Variants in TCF12 observed in about 807,000 individuals in gnomAD.
The protein encoded by TCF12 is transcription factor 12, also known as DNA-binding protein HTF4.
Under a neutral mutation model 86.0 loss-of-function variants are expected in TCF12, and 45 were observed. The observed-to-expected ratio is 0.52, with a 90% CI of 0.41 to 0.67. The LOEUF (loss-of-function observed/expected upper bound fraction) is 0.67, where lower values mean the gene tolerates loss of function less well. Among genes scored for constraint, TCF12 ranks in the 30% least tolerant of loss-of-function variants. The probability of loss-of-function intolerance (pLI) is 0.00; values close to 1 mark genes in which losing one functional copy is unlikely to be tolerated. For synonymous variants in TCF12, 330 were observed against 299.6 expected (o/e 1.10, Z -1.05); for missense variants, 881 against 859.9 (o/e 1.02, Z -0.31).
intron 3 of TCF12, among the ~76,000 whole-genome samples, chr15:57,059,988 A>C (rs1385013537): frequency 6.6e-6 from 1 of 152,178 alleles, no homozygotes; most frequent in African/African-American, 2.4e-5. Context: ...GTAGAGCATA[A>C]GAAGGTAGTC....
At chr15:57,129,450 G>T (rs578058669) in intron 5 of TCF12, among the ~76,000 whole-genome samples, 20 of 152,274 alleles carry the variant, frequency 1.3e-4, no homozygotes, top group Non-Finnish European at 2.8e-4. Flanking sequence ...TACTTGGAAG[G>T]CTGAGGTGGA....
intron 3 of TCF12, among the ~76,000 whole-genome samples, chr15:57,051,449 A>G (rs1035693328): frequency 6.8e-6 from 1 of 148,110 alleles, no homozygotes; most frequent in Non-Finnish European, 1.5e-5. Context: ...TGGCATTCTC[A>G]AATTCTGTTT....
chr15:57,223,399 T>C (rs1763789735), intron 8 of TCF12, among the ~76,000 whole-genome samples: 1 of 151,996 alleles, frequency 6.6e-6, no homozygotes, highest in Non-Finnish European at 1.5e-5. Flanking sequence ...ATATACTACA[T>C]TGGAAAGAAA....
chr15:56,920,475 T>C (rs2059736539), intron 2 of TCF12, among the ~76,000 whole-genome samples: 1 of 112,634 alleles, frequency 8.9e-6, no homozygotes, highest in South Asian at 3.4e-4. Flanking sequence ...TTTTATTTTA[T>C]ACACACACAC....
chr15:56,992,439 G>A lies in TCF12; in HGVS notation c.149-71311G>A, dbSNP rs2140977359. ...CAGCCAGGGTTTGAAAGAGATTAAGGGTCATTCTTCTGAAATAAAACATGT... is the reference window on the plus strand; with the variant it reads ...CAGCCAGGGTTTGAAAGAGATTAAGAGTCATTCTTCTGAAATAAAACATGT... On this transcript the variant is annotated intron_variant, in intron 3 of 20. Coordinates refer to ENST00000333725, the MANE Select transcript of TCF12 (RefSeq NM_207037.2). Among the ~76,000 whole-genome samples, 2 of 152,134 alleles carry A rather than the reference G, an allele frequency of 1.3e-5. 1 individual carries two copies. Among genetic ancestry groups the A allele is most frequent in the South Asian group, 4.2e-4 (2 of 4,816 alleles).
At chr15:57,197,862 A>G (rs753462506) in intron 8 of TCF12, 37 bp downstream of exon 8, 1 of 1,602,674 alleles carries the variant, frequency 6.2e-7, no homozygotes, top group South Asian at 1.1e-5. Flanking sequence ...ATGGTAAACA[A>G]ACTGATTTCA....
At chr15:57,095,611 C>T (rs1272153028) in intron 5 of TCF12, among the ~76,000 whole-genome samples, 2 of 152,052 alleles carry the variant, frequency 1.3e-5, no homozygotes, top group African/African-American at 4.8e-5. Flanking sequence ...TTTTGAGACC[C>T]TTAATTGTGT....
intron 5 of TCF12, among the ~76,000 whole-genome samples, chr15:57,153,576 C>T (rs1157783016): frequency 6.6e-6 from 1 of 151,956 alleles, no homozygotes; most frequent in African/African-American, 2.4e-5. Context: ...ATTATATTGT[C>T]GGTTTTATAA....
chr15:56,983,317 C>T (rs1222863133), intron 3 of TCF12, among the ~76,000 whole-genome samples: 1 of 152,078 alleles, frequency 6.6e-6, no homozygotes, highest in East Asian at 1.9e-4. Flanking sequence ...TTGTTTGCTT[C>T]CTTCCTTCTT....
intron 18 of TCF12, among the ~76,000 whole-genome samples, chr15:57,270,274 C>G (rs2061072973): frequency 6.6e-6 from 1 of 152,156 alleles, no homozygotes; most frequent in Non-Finnish European, 1.5e-5. Context: ...TCTTTTTTCT[C>G]TAAGCTTGTC....
At chr15:56,982,603 A>G (rs1366607800) in intron 3 of TCF12, among the ~76,000 whole-genome samples, 1 of 152,194 alleles carries the variant, frequency 6.6e-6, no homozygotes, top group African/African-American at 2.4e-5. Context: ...TAAACAACAT[A>G]TTGTTACATT....
chr15:57,074,250 A>G (rs2069677368), intron 4 of TCF12, among the ~76,000 whole-genome samples: 1 of 152,030 alleles, frequency 6.6e-6, no homozygotes, highest in Non-Finnish European at 1.5e-5. Flanking sequence ...TCTCATAGGA[A>G]GTGTGCAAGA....
intron 8 of TCF12, among the ~76,000 whole-genome samples, chr15:57,218,581 A>G (rs2058432864): frequency 6.6e-6 from 1 of 152,180 alleles, no homozygotes; most frequent in Non-Finnish European, 1.5e-5. Context: ...AAGAACAATA[A>G]TAAACTTAGA....
rs2052778452 is a variant in TCF12, at chr15:57,139,264, T to A, written c.326-27138T>A. On this transcript the variant is annotated intron_variant, in intron 5 of 20. Transcript: ENST00000333725. ...CCTCTGCTCTAAAATTTCTTACTCA[T>A]GTGTACCACAAGAATGATGGTCTTT... Among the ~76,000 whole-genome samples the A allele has an allele frequency of 2.0e-5, 3 of 152,166 alleles. No individual in the cohort carries two copies. The South Asian group carries it at 6.2e-4, about 32-fold the overall frequency.
At chr15:57,138,056 A>G (rs2052683620) in intron 5 of TCF12, among the ~76,000 whole-genome samples, 1 of 151,982 alleles carries the variant, frequency 6.6e-6, no homozygotes, top group Non-Finnish European at 1.5e-5. Flanking sequence ...ATAAAGTATT[A>G]CCACCAGTTC....
chr15:57,276,352 T>G (rs2061394924), intron 19 of TCF12, among the ~76,000 whole-genome samples: 2 of 152,330 alleles, frequency 1.3e-5, no homozygotes, highest in South Asian at 4.1e-4. Context: ...GTGATAATAC[T>G]GCAATCTTTC....
chr15:57,110,875 A>T (rs1219380704), intron 5 of TCF12, among the ~76,000 whole-genome samples: 5 of 152,202 alleles, frequency 3.3e-5, no homozygotes, highest in Admixed American at 2.0e-4. Flanking sequence ...TATTGCCAAC[A>T]TTAATTATTA....
chr15:57,194,793 C>A (rs1163241450), intron 7 of TCF12, among the ~76,000 whole-genome samples: 4 of 152,156 alleles, frequency 2.6e-5, no homozygotes, highest in Non-Finnish European at 5.9e-5. Flanking sequence ...CCCCTTTTTA[C>A]ATGGAGGTAA....
At chr15:57,190,504 G>T (rs1442328345) in intron 6 of TCF12, among the ~76,000 whole-genome samples, 1 of 152,044 alleles carries the variant, frequency 6.6e-6, no homozygotes, top group Non-Finnish European at 1.5e-5. Context: ...TGTACCAGAG[G>T]AATCACAGTT....
Sources: gnomAD v4.1 joint callset for allele counts (sites outside exome capture counted in the v4.1 genomes callset) on GRCh38, gnomAD v4.1.1 for gene constraint, MANE v1.5 for transcripts, NCBI Gene and HGNC (gene_info 2026-07-23, HGNC 2026-07-21) for gene names.